CNTNAP2: variants seen among roughly 807,000 people sequenced by gnomAD.
The protein encoded by CNTNAP2 is contactin associated protein 2, also known as contactin-associated protein-like 2.
Under a neutral mutation model 155.2 loss-of-function variants are expected in CNTNAP2, and 98 were observed. The ratio of observed to expected loss-of-function variants is 0.63; its 90% confidence interval spans 0.54 to 0.75. The LOEUF (loss-of-function observed/expected upper bound fraction) is 0.75. Ranked by LOEUF, CNTNAP2 falls within the 30% of genes least tolerant of loss-of-function variation. The pLI is 0.00. For synonymous variants in CNTNAP2, 651 were observed against 631.2 expected (o/e 1.03, Z -0.47); for missense variants, 1,727 against 1,688.1 (o/e 1.02, Z -0.40).
chr7:147,430,371 T>G (rs1342447891), intron 10 of CNTNAP2, among the ~76,000 whole-genome samples: 1 of 152,106 alleles, frequency 6.6e-6, no homozygotes, highest in Non-Finnish European at 1.5e-5. Context: ...ATTTAACTGG[T>G]TTTTCTAACC....
intron 1 of CNTNAP2, among the ~76,000 whole-genome samples, chr7:146,744,825 A>C (rs1563213610): frequency 6.6e-6 from 1 of 152,212 alleles, no homozygotes; most frequent in African/African-American, 2.4e-5. Flanking sequence ...CACAAAAAAA[A>C]CACAAAGCTT....
chr7:147,064,781 A>G (rs997079473), intron 4 of CNTNAP2, among the ~76,000 whole-genome samples: 2 of 152,292 alleles, frequency 1.3e-5, no homozygotes, highest in East Asian at 1.9e-4. Context: ...AAAACTATAT[A>G]AAACAAATCC....
intron 1 of CNTNAP2, among the ~76,000 whole-genome samples, chr7:146,135,587 C>T (rs1331200450): frequency 6.6e-6 from 1 of 151,996 alleles, no homozygotes; most frequent in Non-Finnish European, 1.5e-5. Flanking sequence ...TAATATTATA[C>T]ATATGAGTGT....
intron 17 of CNTNAP2, among the ~76,000 whole-genome samples, chr7:148,169,763 C>T (rs188867256): frequency 6.6e-6 from 1 of 152,178 alleles, no homozygotes; most frequent in Non-Finnish European, 1.5e-5. Context: ...AGTTCGAGAC[C>T]AGCCTGGTTA....
At chr7:148,169,955 G>A (rs866542275) in intron 17 of CNTNAP2, among the ~76,000 whole-genome samples, 32 of 130,312 alleles carry the variant, frequency 2.5e-4, no homozygotes, top group African/African-American at 7.3e-4. Flanking sequence ...GTGAAAATCC[G>A]CCTCAAAAAA....
chr7:146,837,309 T>C (rs1803636821), intron 2 of CNTNAP2, among the ~76,000 whole-genome samples: 1 of 152,106 alleles, frequency 6.6e-6, no homozygotes, highest in Admixed American at 6.6e-5. Flanking sequence ...TACATTCTAG[T>C]ACAATGATGT....
chr7:147,008,962 A>ATT (rs111416964), intron 3 of CNTNAP2, among the ~76,000 whole-genome samples: 9 of 142,384 alleles, frequency 6.3e-5, no homozygotes, highest in African/African-American at 2.3e-4. Flanking sequence ...TGGTGTTTGG[A>ATT]TTTTTTTTTT....
At chr7:147,681,201 G>A (rs570244802) in intron 13 of CNTNAP2, among the ~76,000 whole-genome samples, 19 of 152,022 alleles carry the variant, frequency 1.2e-4, no homozygotes, top group East Asian at 3.9e-4. Context: ...GAAATAGAAC[G>A]GATTTGGAAG....
rs192779224 is a variant in CNTNAP2 at position 146,135,705 on chromosome 7, G to A, written c.97+18732G>A. On this transcript the variant is annotated intron_variant, in intron 1 of 23. Transcript: ENST00000361727. ...TTAGTAAAACTGAATCTTAGAAAGT[G>A]AGTTAACTTCTTCCAGGACATACAG... 3.6e-3 allele frequency among the ~76,000 whole-genome samples: 545 copies of A among 152,118 alleles called. 4 individuals are homozygous for A. Among genetic ancestry groups the A allele is most frequent in the Non-Finnish European group, 5.8e-3 (395 of 67,962 alleles).
At chr7:147,760,262 TGAA>T (rs1797279162) in intron 13 of CNTNAP2, among the ~76,000 whole-genome samples, 1 of 152,002 alleles carries the variant, frequency 6.6e-6, no homozygotes, top group Non-Finnish European at 1.5e-5. Context: ...AAAAAAGAAT[TGAA>T]GAACTTCCAA....
rs377707275 is a variant in CNTNAP2 at position 147,562,092 on chromosome 7, C to T, written c.1778-46C>T. 71 of 1,612,604 alleles carry T rather than the reference C, an allele frequency of 4.4e-5. 1 individual carries two copies. Among genetic ancestry groups the T allele is most frequent in the Non-Finnish European group, 5.8e-5 (68 of 1,179,124 alleles). ...CCACTGGGACATTTATCTGGGGAGC[C>T]ATTTGTTCTGTGCTGTGCTTATGTA... is the stretch of plus-strand genomic sequence containing the variant. On this transcript the variant is annotated intron_variant, in intron 11 of 23. Coordinates refer to ENST00000361727, the MANE Select transcript of CNTNAP2 (RefSeq NM_014141.6).
At chr7:146,634,011 T>C (rs1585016683) in intron 1 of CNTNAP2, among the ~76,000 whole-genome samples, 2 of 152,098 alleles carry the variant, frequency 1.3e-5, no homozygotes, top group East Asian at 3.9e-4. Context: ...TATGGGCCAA[T>C]CTATGAGCCC....
intron 3 of CNTNAP2, among the ~76,000 whole-genome samples, chr7:147,033,720 A>C (rs1799089840): frequency 6.6e-6 from 1 of 152,020 alleles, no homozygotes; most frequent in South Asian, 2.1e-4. Context: ...GAAACCTCAC[A>C]GCTGACTTAC....
intron 10 of CNTNAP2, among the ~76,000 whole-genome samples, chr7:147,431,240 CTG>C (rs1797461462): frequency 6.6e-6 from 1 of 152,142 alleles, no homozygotes; most frequent in South Asian, 2.1e-4. Context: ...TCTTACATAT[CTG>C]GTCACAAACC....
At chr7:148,007,668 G>A (rs1258032662) in intron 15 of CNTNAP2, among the ~76,000 whole-genome samples, 1 of 152,152 alleles carries the variant, frequency 6.6e-6, no homozygotes, top group Non-Finnish European at 1.5e-5. Context: ...GTAGGAATGT[G>A]TCAATAGTGA....
chr7:146,336,311 C>T (rs7793489), intron 1 of CNTNAP2, among the ~76,000 whole-genome samples: 18,651 of 151,734 alleles, frequency 0.12, 3,436 homozygotes, highest in African/African-American at 0.4. Context: ...CAGGAGCTCT[C>T]GGTAATTTAC....
intron 1 of CNTNAP2, among the ~76,000 whole-genome samples, chr7:146,713,591 C>T (rs917738087): frequency 6.6e-6 from 1 of 152,142 alleles, no homozygotes; most frequent in African/African-American, 2.4e-5. Context: ...TATCTCTATT[C>T]TTTCTGCATC....
chr7:147,378,379 C>T (rs906045775), intron 9 of CNTNAP2, among the ~76,000 whole-genome samples: 1 of 151,870 alleles, frequency 6.6e-6, no homozygotes, highest in Non-Finnish European at 1.5e-5. Flanking sequence ...GGGTATCCAT[C>T]ACCTAAAGAA....
chr7:146,939,051 T>C lies in CNTNAP2; in HGVS notation c.402+99147T>C, dbSNP rs1325743208. Among the ~76,000 whole-genome samples, 5 of 152,198 alleles carry C rather than the reference T, an allele frequency of 3.3e-5. No individual in the cohort carries two copies. The East Asian group carries it at 9.7e-4, about 29-fold the overall frequency. On this transcript the variant is annotated intron_variant, in intron 3 of 23. Coordinates refer to ENST00000361727, the MANE Select transcript of CNTNAP2 (RefSeq NM_014141.6). ...CAAGAAAATATAATTTCATAATGTA[T>C]CTAGGAGGAAAAATATTTATCACTG... is the stretch of plus-strand genomic sequence containing the variant.
Sources: gnomAD v4.1 joint callset for allele counts (sites outside exome capture counted in the v4.1 genomes callset) on GRCh38, gnomAD v4.1.1 for gene constraint, MANE v1.5 for transcripts, NCBI Gene and HGNC (gene_info 2026-07-23, HGNC 2026-07-21) for gene names.